The following SUMF1 variants were observed in gnomAD, a reference collection of about 807,000 sequenced individuals.
The protein encoded by SUMF1 is sulfatase modifying factor 1, also known as formylglycine-generating enzyme.
SUMF1 carries 48 observed loss-of-function variants against 47.6 expected under a neutral mutation model. The ratio of observed to expected loss-of-function variants is 1.01; its 90% CI spans 0.80 to 1.28. SUMF1 has a LOEUF of 1.28. Ranked by LOEUF, SUMF1 falls within the 50% of genes most tolerant of loss-of-function variation. The pLI is 0.00. For missense variants in SUMF1, 571 were observed against 485.4 expected, an observed-to-expected ratio of 1.18 and a Z score of -1.66; for synonymous variants, 230 against 192.1, an observed-to-expected ratio of 1.20 and a Z score of -1.63.
chr3:4,308,925 G>A (rs1698297880), intron 8 of SUMF1, among the ~76,000 whole-genome samples: 1 of 152,204 alleles, frequency 6.6e-6, no homozygotes, highest in Non-Finnish European at 1.5e-5. Flanking sequence ...AGGAGATCCT[G>A]AGAACATGTA....
intron 8 of SUMF1, among the ~76,000 whole-genome samples, chr3:4,323,730 C>A (rs547702848): frequency 6.6e-6 from 1 of 152,164 alleles, no homozygotes; most frequent in Non-Finnish European, 1.5e-5. Context: ...ACTCCACTTA[C>A]TTTCTGTCCT....
intron 8 of SUMF1, among the ~76,000 whole-genome samples, chr3:4,255,761 G>T (rs1428465959): frequency 8.3e-6 from 1 of 120,232 alleles, no homozygotes; most frequent in Non-Finnish European, 1.7e-5. Flanking sequence ...TGCACCAAGC[G>T]GACCTAATAG....
chr3:4,077,970 C>A (rs1222597082), intron 8 of SUMF1, among the ~76,000 whole-genome samples: 1 of 152,002 alleles, frequency 6.6e-6, no homozygotes, highest in Non-Finnish European at 1.5e-5. Flanking sequence ...ATATTTTAGT[C>A]CTTTTCATGG....
intron 8 of SUMF1, among the ~76,000 whole-genome samples, chr3:4,097,549 T>C (rs941798780): frequency 6.6e-6 from 1 of 152,186 alleles, no homozygotes; most frequent in Non-Finnish European, 1.5e-5. Context: ...TGAGACCCTG[T>C]CTCAAAAAAA....
chr3:4,287,006 T>A (rs898400919), intron 8 of SUMF1, among the ~76,000 whole-genome samples: 1 of 152,146 alleles, frequency 6.6e-6, no homozygotes, highest in Admixed American at 6.5e-5. Context: ...TCAAAATTAT[T>A]TTCATAATAA....
At chr3:4,333,820 AT>A (rs34421929) in intron 8 of SUMF1, among the ~76,000 whole-genome samples, 38,346 of 148,042 alleles carry the variant, frequency 0.26, 7,080 homozygotes, top group African/African-American at 0.53. Flanking sequence ...TAAGCACATA[AT>A]TTTTTTTTTT....
intron 8 of SUMF1, among the ~76,000 whole-genome samples, chr3:4,364,950 A>C (rs983367402): frequency 8.6e-5 from 13 of 151,706 alleles, no homozygotes; most frequent in Non-Finnish European, 1.6e-4. Context: ...GTTTCAAAGA[A>C]CATCTTTATT....
Position 4,264,256 on chromosome 3 carries a change from A to G in SUMF1, c.1014+112074T>C, listed in dbSNP as rs570007836. 2.0e-5 allele frequency among the ~76,000 whole-genome samples: 3 copies of G among 152,328 alleles called. No homozygotes were observed. The South Asian group carries it at 6.2e-4, about 32-fold the overall frequency. ...CAGCATCTTTCTAGAGACACTTCCC[A>G]GGCAGTTAGATATAGCCGTGCACAG... is the stretch of plus-strand genomic sequence containing the variant. On this transcript the variant is annotated intron_variant and NMD_transcript_variant, in intron 8 of 12. Coordinates refer to the SUMF1 transcript ENST00000448413.
At chr3:4,208,374 C>T (rs186284326) in intron 8 of SUMF1, among the ~76,000 whole-genome samples, 4 of 151,836 alleles carry the variant, frequency 2.6e-5, no homozygotes, top group East Asian at 1.9e-4. Context: ...ATAAAACTTA[C>T]CGCTACTTTA....
rs541804618 is a variant in SUMF1, at chr3:4,445,627, G to A, written c.519+3639C>T. ...CCCAAAGTGCTGGGATTGTGGGCAT[G>A]AGCCACCATGCCTGGCCATAAAATA... On this transcript the variant is annotated intron_variant, in intron 3 of 8. Transcript: ENST00000272902. 3.9e-5 allele frequency among the ~76,000 whole-genome samples: 6 copies of A among 152,274 alleles called. No homozygotes were observed. The East Asian group carries it at 9.6e-4, about 24-fold the overall frequency.
intron 8 of SUMF1, among the ~76,000 whole-genome samples, chr3:4,342,508 G>C (rs1699292479): frequency 6.6e-6 from 1 of 152,122 alleles, no homozygotes; most frequent in Non-Finnish European, 1.5e-5. Flanking sequence ...ACTCCAGCCT[G>C]GGCAACAGAG....
intron 8 of SUMF1, among the ~76,000 whole-genome samples, chr3:4,251,487 T>C (rs1311503520): frequency 6.6e-6 from 1 of 152,208 alleles, no homozygotes; most frequent in Non-Finnish European, 1.5e-5. Context: ...ACTCAAATTT[T>C]GAAAGAAGTT....
At chr3:4,401,688 C>T (rs1371480429) in intron 7 of SUMF1, among the ~76,000 whole-genome samples, 6 of 152,198 alleles carry the variant, frequency 3.9e-5, no homozygotes, top group Non-Finnish European at 8.8e-5. Flanking sequence ...ACTTTCATCA[C>T]TTAACCATGG....
intron 8 of SUMF1, among the ~76,000 whole-genome samples, chr3:4,158,869 G>C (rs762810394): frequency 1.3e-5 from 2 of 151,348 alleles, no homozygotes; most frequent in Non-Finnish European, 2.9e-5. Context: ...GTCTGTGTGT[G>C]CCTTTATATG....
At chr3:4,424,894 C>T (rs964332311) in intron 3 of SUMF1, among the ~76,000 whole-genome samples, 1 of 152,182 alleles carries the variant, frequency 6.6e-6, no homozygotes, top group Non-Finnish European at 1.5e-5. Context: ...GTTTTCTCAA[C>T]CTCAGCACTG....
At chr3:4,105,510 G>T (rs1409301738) in intron 8 of SUMF1, among the ~76,000 whole-genome samples, 2 of 151,972 alleles carry the variant, frequency 1.3e-5, no homozygotes, top group East Asian at 3.9e-4. Context: ...GAACATCATT[G>T]AATGAAATAC....
chr3:4,105,137 G>T (rs1693129207), intron 8 of SUMF1, among the ~76,000 whole-genome samples: 1 of 152,212 alleles, frequency 6.6e-6, no homozygotes, highest in South Asian at 2.1e-4. Flanking sequence ...GGACAGAAAG[G>T]CAAATACTGC....
intron 8 of SUMF1, among the ~76,000 whole-genome samples, chr3:4,211,912 A>G (rs1392166408): frequency 1.3e-5 from 2 of 152,282 alleles, no homozygotes; most frequent in East Asian, 3.9e-4. Flanking sequence ...ATCTCTGAAA[A>G]AAAGGCAGCA....
intron 9 of SUMF1, among the ~76,000 whole-genome samples, chr3:4,040,974 AG>A (rs374311654): frequency 1.1e-3 from 170 of 152,340 alleles, no homozygotes; most frequent in African/African-American, 4.0e-3. Context: ...GAGTAACCTC[AG>A]GTTGGGTGCC....
Sources: gnomAD v4.1 joint callset for allele counts (sites outside exome capture counted in the v4.1 genomes callset) on GRCh38, gnomAD v4.1.1 for gene constraint, MANE v1.5 for transcripts, NCBI Gene and HGNC (gene_info 2026-07-23, HGNC 2026-07-21) for gene names.